The following SLC36A2 variants were observed in gnomAD, a reference collection of about 807,000 sequenced individuals.
SLC36A2 encodes proton-coupled amino acid transporter 2.
A neutral mutation model predicts 42.7 loss-of-function variants in SLC36A2; 39 were observed. The observed-to-expected ratio is 0.91, with a 90% confidence interval of 0.71 to 1.19. The LOEUF is 1.19. Among genes scored for constraint, SLC36A2 ranks in the 50% most tolerant of loss-of-function variants. The pLI is 0.00. For missense variants in SLC36A2, 590 were observed against 613.7 expected, an observed-to-expected ratio of 0.96 and a Z score of 0.41; for synonymous variants, 237 against 240.8, an observed-to-expected ratio of 0.98 and a Z score of 0.15.
At chr5:151,344,431 A>G (rs929026924) in intron 1 of SLC36A2, among the ~76,000 whole-genome samples, 164 bp from the exon 2 acceptor site, 1 of 152,208 alleles carries the variant, frequency 6.6e-6, no homozygotes, top group Non-Finnish European at 1.5e-5. Flanking sequence ...GTTACCAACC[A>G]TCCCAGTTTG....
chr5:151,331,862 A>T (rs1756004305), intron 7 of SLC36A2, among the ~76,000 whole-genome samples: 1 of 150,946 alleles, frequency 6.6e-6, no homozygotes. Flanking sequence ...GCATAGCAAG[A>T]TCCCATCTCT....
intron 1 of SLC36A2, among the ~76,000 whole-genome samples, chr5:151,345,208 G>A (rs946306609): frequency 2.6e-5 from 4 of 152,184 alleles, no homozygotes; most frequent in Admixed American, 1.3e-4. Context: ...GGGTTTACAC[G>A]TGCAACTTTA....
chr5:151,338,267 G>C (rs1415049456), intron 5 of SLC36A2, among the ~76,000 whole-genome samples: 1 of 152,228 alleles, frequency 6.6e-6, no homozygotes, highest in African/African-American at 2.4e-5. Flanking sequence ...TAAACTTACT[G>C]ATTAAGGATG....
At chr5:151,339,190 G>A (rs781641087) in intron 4 of SLC36A2, 46 bp from the exon 5 acceptor site, 2 of 1,456,322 alleles carry the variant, frequency 1.4e-6, no homozygotes, top group East Asian at 2.3e-5. Context: ...TATAAAATAA[G>A]TCAACTTGTC....
At chr5:151,346,401 C>G (rs960908639) in intron 1 of SLC36A2, among the ~76,000 whole-genome samples, 1 of 152,152 alleles carries the variant, frequency 6.6e-6, no homozygotes, top group African/African-American at 2.4e-5. Flanking sequence ...TGCAGTGCAC[C>G]CCCGAGAAAC....
intron 7 of SLC36A2, among the ~76,000 whole-genome samples, chr5:151,327,648 C>G (rs1332221642): frequency 6.6e-6 from 1 of 152,184 alleles, no homozygotes; most frequent in East Asian, 1.9e-4. Context: ...ACAATCCAAC[C>G]TGAGCTCTTG....
intron 7 of SLC36A2, chr5:151,332,559 C>T (rs1458808532): frequency 5.1e-6 from 2 of 394,376 alleles, no homozygotes; most frequent in Middle Eastern, 3.6e-4. Flanking sequence ...TTGATGTGTG[C>T]AACAGCATGG....
chr5:151,322,208 G>A lies in SLC36A2; in HGVS notation c.1018C>T (p.Gln340Ter), dbSNP rs767468891. Residue 340 changes from glutamine (Q) to a stop codon, truncating the protein, a stop_gained, in exon 9 of 10, where the codon CAG (glutamine) becomes TAG (stop). Coordinates refer to ENST00000335244, the MANE Select transcript of SLC36A2 (RefSeq NM_181776.3). LOFTEE classifies it high-confidence loss of function. The part of the protein sequence containing the change: ...SLNLPNCWLY[Q>*]SVKLLYIAGI... ...GCAATGTAGAGAAGCTTGACAGACT[G>A]GTACAGCCTGCAAGACAAACCACAG... The A allele has an allele frequency of 3.1e-6, 5 of 1,614,020 alleles. No individual in the cohort carries two copies. The African/African-American group carries it at 5.3e-5, about 17-fold the overall frequency.
At chr5:151,329,962 G>T (rs1218904879) in intron 7 of SLC36A2, among the ~76,000 whole-genome samples, 1 of 152,106 alleles carries the variant, frequency 6.6e-6, no homozygotes, top group African/African-American at 2.4e-5. Flanking sequence ...GGTTCTGCAG[G>T]GCCACCTGCA....
chr5:151,335,626 A>T (rs1423336966), intron 5 of SLC36A2, 79 bp from the exon 6 acceptor site: 4 of 1,045,012 alleles, frequency 3.8e-6, no homozygotes, highest in Non-Finnish European at 6.0e-6. Flanking sequence ...CCTTGCCCCT[A>T]ATCAAATTCC....
chr5:151,338,022 T>A (rs1245979119), intron 5 of SLC36A2, among the ~76,000 whole-genome samples: 2 of 152,046 alleles, frequency 1.3e-5, no homozygotes, highest in Non-Finnish European at 2.9e-5. Flanking sequence ...CATTACAGAG[T>A]TTATAATCTC....
chr5:151,315,354 C>G lies in SLC36A2; in HGVS notation c.*1463G>C, dbSNP rs1755462740. The G allele has an allele frequency of 6.6e-6, 1 of 152,346 alleles. No individual in the cohort carries two copies. The highest frequency in any genetic ancestry group is 1.5e-5 in the Non-Finnish European group (1 of 68,086). 9.4% of individuals were successfully genotyped at this position (152,346 alleles called of 1,614,324 possible). On this transcript the variant is annotated 3_prime_UTR_variant, in exon 10 of 10. Coordinates refer to ENST00000335244, the MANE Select transcript of SLC36A2 (RefSeq NM_181776.3). ...TCAAATTTAAAGGGGAGAGGCTGGG[C>G]GTGGTGGCTCACACTTGTAATCTCA...
intron 9 of SLC36A2, 97 bp from the exon 10 acceptor site, chr5:151,317,185 C>G: frequency 6.7e-7 from 1 of 1,484,268 alleles, no homozygotes. Context: ...GGCACAGTGG[C>G]TCACACTTGT....
At chr5:151,325,509 T>C in intron 7 of SLC36A2, 57 bp from the exon 8 acceptor site, 1 of 1,576,488 alleles carries the variant, frequency 6.3e-7, no homozygotes, top group Admixed American at 1.7e-5. Context: ...AAAAGAAAAA[T>C]GGCATTCCAC....
chr5:151,338,340 A>C (rs1283350231), intron 5 of SLC36A2, among the ~76,000 whole-genome samples: 1 of 152,220 alleles, frequency 6.6e-6, no homozygotes, highest in Non-Finnish European at 1.5e-5. Context: ...AGGTTAGATC[A>C]GAAAGAATTC....
chr5:151,329,750 A>C (rs1446304164), intron 7 of SLC36A2, among the ~76,000 whole-genome samples: 1 of 152,266 alleles, frequency 6.6e-6, no homozygotes, highest in Non-Finnish European at 1.5e-5. Context: ...AATCTGAACA[A>C]CAAAGAGCAA....
At chr5:151,323,962 G>A (rs570539041) in intron 8 of SLC36A2, among the ~76,000 whole-genome samples, 28 of 152,314 alleles carry the variant, frequency 1.8e-4, no homozygotes, top group Non-Finnish European at 2.9e-4. Flanking sequence ...TGAGAAGACC[G>A]AAATGTCCTG....
At chr5:151,329,214 T>C (rs1755928670) in intron 7 of SLC36A2, among the ~76,000 whole-genome samples, 1 of 152,190 alleles carries the variant, frequency 6.6e-6, no homozygotes, top group South Asian at 2.1e-4. Flanking sequence ...GTGTAGCACA[T>C]GAGCAGGGTA....
At chr5:151,326,723 CCTT>C (rs1755861956) in intron 7 of SLC36A2, among the ~76,000 whole-genome samples, 1 of 152,152 alleles carries the variant, frequency 6.6e-6, no homozygotes, top group African/African-American at 2.4e-5. Flanking sequence ...TTCTCCTACT[CCTT>C]GTTCAGGCTG....
Sources: allele counts gnomAD v4.1 joint callset (sites outside exome capture counted in the v4.1 genomes callset), GRCh38; gene constraint gnomAD v4.1.1; transcripts MANE v1.5; gene names NCBI Gene and HGNC (gene_info 2026-07-23, HGNC 2026-07-21).